The following CD70 variants were observed in gnomAD, a reference collection of about 807,000 sequenced individuals.
CD70 encodes CD70 molecule, also known as CD70 antigen.
In CD70, 6 loss-of-function variants were observed where a neutral mutation model predicts 9.0. The observed-to-expected ratio is 0.67, with a 90% CI of 0.37 to 1.32. CD70 has a LOEUF of 1.32. Among genes scored for constraint, CD70 ranks in the 40% most tolerant of loss-of-function variants. The pLI, the probability that CD70 is intolerant of heterozygous loss-of-function variation, is 0.02. For synonymous variants in CD70, 108 were observed against 112.3 expected (o/e 0.96, Z 0.24); for missense variants, 235 against 258.7 (o/e 0.91, Z 0.63).
downstream of CD70, among the ~76,000 whole-genome samples, chr19:6,583,982 G>A (rs1160092109): frequency 2.0e-5 from 3 of 150,754 alleles, no homozygotes; most frequent in African/African-American, 4.9e-5. Flanking sequence ...TAGTAGAGAC[G>A]GGGTTTTACC....
intron 2 of CD70, 55 bp from the exon 3 acceptor site, chr19:6,586,460 A>C: frequency 6.6e-7 from 1 of 1,518,518 alleles, no homozygotes; most frequent in Non-Finnish European, 8.8e-7. Flanking sequence ...AAACTGAGGC[A>C]CAGGGGGTCA....
chr19:6,583,007 G>A (rs1311893334), downstream of CD70, among the ~76,000 whole-genome samples: 2 of 152,250 alleles, frequency 1.3e-5, no homozygotes, highest in East Asian at 1.9e-4. Context: ...GCATGGTTCT[G>A]AGTCCAGGTA....
At position 6,585,930 on chromosome 19, in the gene CD70, C is replaced by G; in HGVS notation, c.*90G>C. ...ACTACCCCCCACCACACTCCCACCC[C>G]AACCCCGGGTGGCCCCTGTGTGTAC... On this transcript the variant is annotated 3_prime_UTR_variant, in exon 3 of 3. Transcript: ENST00000245903. 1.0e-6 allele frequency: 1 copy of G among 984,966 alleles called. No individual in the cohort carries two copies. Among genetic ancestry groups the G allele is most frequent in the Non-Finnish European group, 1.5e-6 (1 of 676,816 alleles). The allele number at this position is 984,966 out of a possible 1,614,324, so 61.0% of individuals were successfully genotyped here.
downstream of CD70, among the ~76,000 whole-genome samples, chr19:6,584,567 A>G (rs749945858): frequency 2.8e-5 from 1 of 36,050 alleles, no homozygotes; most frequent in Non-Finnish European, 5.2e-5. Context: ...CTGAGTTCCA[A>G]AATGTATTTG....
Position 6,590,730 on chromosome 19 carries a change from G to C in CD70, c.162+111C>G. The C allele has an allele frequency of 6.8e-6, 7 of 1,027,374 alleles. No homozygotes were observed. Among genetic ancestry groups the C allele is most frequent in the Non-Finnish European group, 1.0e-5 (7 of 682,644 alleles). 63.6% of individuals were successfully genotyped at this position (1,027,374 alleles called of 1,614,324 possible). ...GCCTCGCCTCCCTGTTCTGGTCTCT[G>C]TCTCTGCCCTACCAGATCTTCCTCT... On this transcript the variant is annotated intron_variant, in intron 1 of 2. Coordinates refer to ENST00000245903, the MANE Select transcript of CD70 (RefSeq NM_001252.5). This position sits in a 1 kb window ranked among gnomAD's most constrained non-coding sequence, Gnocchi z 5.3.
At position 6,586,007 on chromosome 19, in the gene CD70, T is replaced by C. The variant is rs1365140255; in HGVS notation, c.*13A>G. On this transcript the variant is annotated 3_prime_UTR_variant, in exon 3 of 3. Coordinates refer to ENST00000245903, the MANE Select transcript of CD70 (RefSeq NM_001252.5). ...TAAAATAAAATTTAAAAAACCCTAATCAGCAGCAGTGGTCAGGGGCGCACC... is the reference window on the plus strand; with the variant it reads ...TAAAATAAAATTTAAAAAACCCTAACCAGCAGCAGTGGTCAGGGGCGCACC... 6 of 1,572,010 alleles carry C rather than the reference T, an allele frequency of 3.8e-6. No homozygotes were observed. Among genetic ancestry groups the C allele is most frequent in the South Asian group, 1.2e-5 (1 of 86,870 alleles).
At chr19:6,582,721 C>G (rs1915943009), downstream of CD70, among the ~76,000 whole-genome samples, 1 of 152,102 alleles carries the variant, frequency 6.6e-6, no homozygotes, top group South Asian at 2.1e-4. Flanking sequence ...GCATAGTATT[C>G]CATGGTGTAT....
downstream of CD70, among the ~76,000 whole-genome samples, chr19:6,584,133 A>G (rs1357628433): frequency 8.9e-6 from 1 of 112,612 alleles, no homozygotes; most frequent in African/African-American, 2.8e-5. Flanking sequence ...GAATGTTAAC[A>G]CTTCTCATTG....
downstream of CD70, among the ~76,000 whole-genome samples, chr19:6,584,326 G>T (rs915477054): frequency 1.3e-5 from 2 of 151,138 alleles, no homozygotes; most frequent in Non-Finnish European, 3.0e-5. Context: ...TGGCCAACAT[G>T]GTGAAGCCCG....
At chr19:6,584,967 C>T (rs1352211790), downstream of CD70, among the ~76,000 whole-genome samples, 1 of 151,988 alleles carries the variant, frequency 6.6e-6, no homozygotes, top group Non-Finnish European at 1.5e-5. Context: ...GGTACATGTG[C>T]AGGATGTGTA....
chr19:6,583,550 A>G, downstream of CD70: 1 of 435,474 alleles, frequency 2.3e-6, no homozygotes. Flanking sequence ...TGTTAATTGT[A>G]GTCTTTTTTT....
chr19:6,584,371 G>A (rs1016831039), downstream of CD70, among the ~76,000 whole-genome samples: 1 of 151,786 alleles, frequency 6.6e-6, no homozygotes, highest in African/African-American at 2.4e-5. Flanking sequence ...GCCGGACGTG[G>A]TGGCGGATTT....
Position 6,586,372 on chromosome 19 carries a change from C to A in CD70, c.230G>T (p.Gly77Val). The A allele has an allele frequency of 6.2e-7, 1 of 1,612,344 alleles. No individual in the cohort carries two copies. The highest frequency in any genetic ancestry group is 8.5e-7 in the Non-Finnish European group (1 of 1,179,756). Residue 77 changes from glycine to valine, a missense_variant, in exon 3 of 3, where the codon GGG (glycine) becomes GTG (valine). Gly to Val is a moderately radical substitution (Grantham distance 109). Coordinates refer to ENST00000245903, the MANE Select transcript of CD70 (RefSeq NM_001252.5). Reference sequence around the variant, plus strand: ...GAAGGAGCGGCCCAGTGCTGGGCCCCCCTGCCAGTATAGCCTGGGGTCCTG... The same window carrying A: ...GAAGGAGCGGCCCAGTGCTGGGCCCACCTGCCAGTATAGCCTGGGGTCCTG... ...PQQDPRLYWQ[G>V]GPALGRSFLH...
chr19:6,583,283 A>G (rs1915953305), downstream of CD70: 3 of 666,432 alleles, frequency 4.5e-6, no homozygotes, highest in Non-Finnish European at 5.5e-6. Flanking sequence ...CAAAACCAGT[A>G]ACTTTGGACA....
downstream of CD70, among the ~76,000 whole-genome samples, chr19:6,585,498 A>C (rs1915995866): frequency 6.6e-6 from 1 of 150,598 alleles, no homozygotes; most frequent in African/African-American, 2.4e-5. Flanking sequence ...ACACCACTAC[A>C]TCTGGTTAAT....
chr19:6,586,677 G>A (rs1012576683), intron 2 of CD70, among the ~76,000 whole-genome samples: 1 of 151,946 alleles, frequency 6.6e-6, no homozygotes, highest in Admixed American at 6.6e-5. Context: ...GCACGCCTCT[G>A]GTCCTGGCTA....
chr19:6,587,270 G>A (rs1392443917), intron 2 of CD70, among the ~76,000 whole-genome samples: 1 of 147,536 alleles, frequency 6.8e-6, no homozygotes, highest in African/African-American at 2.6e-5. Flanking sequence ...GAGAGAGTGA[G>A]AGAGAGCACG....
Position 6,586,162 on chromosome 19 carries a change from A to G in CD70, c.440T>C (p.Phe147Ser), listed in dbSNP as rs1304325154. ...GGAGGCAATGGTACAACCTTGGTGG[A>G]AGCTGAGACGCAGCAGGCTGATGCT... is the stretch of plus-strand genomic sequence containing the variant. Reference protein sequence around the residue: ...SRSISLLRLSFHQGCTIASQR... With the variant: ...SRSISLLRLSSHQGCTIASQR... Residue 147 changes from phenylalanine to serine, a missense_variant, in exon 3 of 3, where the codon TTC becomes TCC. Phe to Ser is a radical substitution (Grantham distance 155). Coordinates refer to ENST00000245903, the MANE Select transcript of CD70 (RefSeq NM_001252.5). 6.2e-7 allele frequency: 1 copy of G among 1,614,118 alleles called. No individual in the cohort carries two copies. Among genetic ancestry groups the G allele is most frequent in the Non-Finnish European group, 8.5e-7 (1 of 1,180,036 alleles).
At position 6,586,019 on chromosome 19, in the gene CD70, G is replaced by C. The variant is rs1247248472; in HGVS notation, c.*1C>G. 2 of 1,605,366 alleles carry C rather than the reference G, an allele frequency of 1.2e-6. No homozygotes were observed. Among genetic ancestry groups the C allele is most frequent in the African/African-American group, 1.3e-5 (1 of 74,836 alleles). On this transcript the variant is annotated 3_prime_UTR_variant, in exon 3 of 3. Coordinates refer to ENST00000245903, the MANE Select transcript of CD70 (RefSeq NM_001252.5). The stretch of plus-strand genomic sequence containing the variant: ...TAAAAAACCCTAATCAGCAGCAGTG[G>C]TCAGGGGCGCACCCACTGCACTCCA...
Sources: gnomAD v4.1 joint callset for allele counts (sites outside exome capture counted in the v4.1 genomes callset) on GRCh38, gnomAD v4.1.1 for gene constraint, Gnocchi (gnomAD v3.1) non-coding constraint, MANE v1.5 for transcripts, NCBI Gene and HGNC (gene_info 2026-07-23, HGNC 2026-07-21) for gene names.